The following DDHD1 variants were observed in gnomAD, a reference collection of about 807,000 sequenced individuals.
The protein encoded by DDHD1 is phospholipase DDHD1.
In DDHD1, 49 loss-of-function variants were observed where a neutral mutation model predicts 96.4. That is an observed-to-expected ratio of 0.51 (90% CI 0.40 to 0.64). The LOEUF is 0.64. Ranked by LOEUF, DDHD1 falls within the 30% of genes least tolerant of loss-of-function variation. The pLI, the probability that DDHD1 is intolerant of heterozygous loss-of-function variation, is 0.00. For synonymous variants in DDHD1, 442 were observed against 446.5 expected (o/e 0.99, Z 0.13); for missense variants, 1,106 against 1,161.2 (o/e 0.95, Z 0.69).
At chr14:53,070,121 C>T (rs1884389729) in intron 6 of DDHD1, among the ~76,000 whole-genome samples, 1 of 152,208 alleles carries the variant, frequency 6.6e-6, no homozygotes, top group Non-Finnish European at 1.5e-5. Flanking sequence ...TATATATGCA[C>T]ATATGTGTAT....
At chr14:53,134,504 C>G (rs1354693528) in intron 1 of DDHD1, among the ~76,000 whole-genome samples, 3 of 151,936 alleles carry the variant, frequency 2.0e-5, no homozygotes, top group Non-Finnish European at 4.4e-5. Flanking sequence ...CTCACTCTCT[C>G]CTAGCCATTT....
intron 1 of DDHD1, among the ~76,000 whole-genome samples, chr14:53,147,482 T>C (rs1383082217): frequency 6.6e-6 from 1 of 152,206 alleles, no homozygotes; most frequent in Non-Finnish European, 1.5e-5. Context: ...ATAACTGATA[T>C]TAGATCCGTT....
At position 53,041,015 on chromosome 14, in the gene DDHD1, A is replaced by C. The variant is rs1328308452; in HGVS notation, c.*5753T>G. 6.6e-6 allele frequency: 1 copy of C among 152,026 alleles called. No homozygotes were observed. Among genetic ancestry groups the C allele is most frequent in the Non-Finnish European group, 1.5e-5 (1 of 68,024 alleles). The allele number at this position is 152,026 out of a possible 1,614,324, so 9.4% of individuals were successfully genotyped here. On this transcript the variant is annotated 3_prime_UTR_variant, in exon 13 of 13. Transcript: ENST00000673822. ...TATAATTTTTTGTCATGAAGCTCAA[A>C]GGGAAACAAAAAGTTTGAGAGATCA...
intron 9 of DDHD1, 64 bp downstream of exon 9, chr14:53,058,406 TGCCCAGC>T (rs1883253019): frequency 1.3e-6 from 2 of 1,517,638 alleles, no homozygotes; most frequent in Non-Finnish European, 1.8e-6. Flanking sequence ...TGAGCCACTG[TGCCCAGC>T]TGATAGATTC....
rs142095162 is a variant in DDHD1 at position 53,048,089 on chromosome 14, T to C, written c.2522-1140A>G. ...AGGAAATCATAATACTCTAGGGAAA[T>C]ATTTCATATAAATGCTTAGTTAATG... On this transcript the variant is annotated intron_variant, in intron 12 of 12. Transcript: ENST00000673822. 5.4e-3 allele frequency among the ~76,000 whole-genome samples: 824 copies of C among 152,314 alleles called. 6 individuals carry two copies. The highest frequency in any genetic ancestry group is 0.017 in the Middle Eastern group (5 of 294).
rs1886448781 is a variant in DDHD1 at position 53,091,790 on chromosome 14, T to C, written c.1284A>G (p.Thr428=). Residue 428 remains threonine (T), a synonymous_variant, in exon 4 of 13, where the codon ACA becomes ACG. Transcript: ENST00000673822. ...GCATTCATCAAAGAACTTACATAGCTGTATTTTTGATAATTCTTCCTTGGT... is the reference window on the plus strand; with the variant it reads ...GCATTCATCAAAGAACTTACATAGCCGTATTTTTGATAATTCTTCCTTGGT... ...KMDQGRIIKN[T]AMMREAARKI... The C allele has an allele frequency of 1.9e-6, 3 of 1,612,808 alleles. No homozygotes were observed. Among genetic ancestry groups the C allele is most frequent in the Non-Finnish European group, 2.5e-6 (3 of 1,179,528 alleles).
chr14:53,125,276 T>C (rs767727315), intron 1 of DDHD1, among the ~76,000 whole-genome samples: 2 of 152,250 alleles, frequency 1.3e-5, no homozygotes, highest in Non-Finnish European at 2.9e-5. Flanking sequence ...GGCCATTTTA[T>C]ATCAACTCTT....
chr14:53,096,112 T>C (rs1020182248), intron 2 of DDHD1: 20 of 979,468 alleles, frequency 2.0e-5, no homozygotes, highest in Non-Finnish European at 2.3e-5. Flanking sequence ...CTACAATTAC[T>C]GTACCTTGGG....
intron 10 of DDHD1, among the ~76,000 whole-genome samples, 195 bp from the exon 11 acceptor site, chr14:53,054,824 T>A (rs1445454955): frequency 6.6e-6 from 1 of 152,218 alleles, no homozygotes; most frequent in Non-Finnish European, 1.5e-5. Flanking sequence ...GAGAGTTGTA[T>A]AAGCTCTAGG....
At chr14:53,097,051 T>A (rs1235542618) in intron 2 of DDHD1, among the ~76,000 whole-genome samples, 2 of 152,002 alleles carry the variant, frequency 1.3e-5, no homozygotes, top group Non-Finnish European at 2.9e-5. Context: ...AGCAATTATT[T>A]AAAAGTTCAC....
chr14:53,153,230 G>T lies in DDHD1; in HGVS notation c.-132C>A, dbSNP rs575611216. 99 of 833,900 alleles carry T rather than the reference G, an allele frequency of 1.2e-4. No homozygotes were observed. Among genetic ancestry groups the T allele is most frequent in the African/African-American group, 1.1e-3 (62 of 55,338 alleles). The allele number at this position is 833,900 out of a possible 1,614,324, so 51.7% of individuals were successfully genotyped here. A position where few individuals can be genotyped will look rare whatever the true frequency, so the allele number is the denominator to read the frequency against. On this transcript the variant is annotated 5_prime_UTR_variant, in exon 1 of 13. Coordinates refer to ENST00000673822, the MANE Select transcript of DDHD1 (RefSeq NM_001160148.2). ...TTCAAATCCCGACCCGAGCTGCGGC[G>T]GCAGCGGCGACCGCTCCGCCCCCAC...
At chr14:53,119,735 C>A (rs1420769634) in intron 1 of DDHD1, among the ~76,000 whole-genome samples, 1 of 152,190 alleles carries the variant, frequency 6.6e-6, no homozygotes, top group African/African-American at 2.4e-5. Flanking sequence ...CAGAAACGGT[C>A]TTTGATAAAA....
chr14:53,116,381 G>T (rs1595205561), intron 1 of DDHD1, among the ~76,000 whole-genome samples: 1 of 152,152 alleles, frequency 6.6e-6, no homozygotes, highest in Non-Finnish European at 1.5e-5. Context: ...TGACCTAATA[G>T]ACATCTACGG....
rs766862246 is a variant in DDHD1, at chr14:53,093,420, C to A, written c.1037G>T (p.Arg346Leu). Residue 346 changes from arginine to leucine, a missense_variant, in exon 3 of 13, where the codon CGA becomes CTA. Physicochemically the swap from Arg to Leu is moderately radical, Grantham distance 102. Coordinates refer to ENST00000673822, the MANE Select transcript of DDHD1 (RefSeq NM_001160148.2). The stretch of plus-strand genomic sequence containing the variant: ...CACACTGTGCCAGTCCACATGGTTT[C>A]GACTCAACTTGAAACTATGAACAGC... ...KDAVHSFKLS[R>L]NHVDWHSVDE... 1 of 1,611,370 alleles carries A rather than the reference C, an allele frequency of 6.2e-7. No homozygotes were observed. The highest frequency in any genetic ancestry group is 8.5e-7 in the Non-Finnish European group (1 of 1,179,148).
At chr14:53,061,509 T>C (rs998502968) in intron 7 of DDHD1, among the ~76,000 whole-genome samples, 2 of 152,174 alleles carry the variant, frequency 1.3e-5, no homozygotes, top group African/African-American at 4.8e-5. Flanking sequence ...GTTAATACCA[T>C]ATATACTGTT....
intron 4 of DDHD1, among the ~76,000 whole-genome samples, chr14:53,081,208 CAA>C (rs1885441353): frequency 6.6e-6 from 1 of 152,192 alleles, no homozygotes; most frequent in South Asian, 2.1e-4. Flanking sequence ...TTATTATCCA[CAA>C]AGTCTAAAAG....
chr14:53,083,007 A>G (rs1885619204), intron 4 of DDHD1, among the ~76,000 whole-genome samples: 1 of 152,232 alleles, frequency 6.6e-6, no homozygotes. Flanking sequence ...TGGGGACACA[A>G]GGACAAAGGA....
chr14:53,083,379 C>T (rs1885663976), intron 4 of DDHD1, among the ~76,000 whole-genome samples: 1 of 152,156 alleles, frequency 6.6e-6, no homozygotes. Context: ...TGTAATTAAA[C>T]TCCACAAAAA....
chr14:53,099,935 T>G (rs1566564794), intron 2 of DDHD1, among the ~76,000 whole-genome samples: 1 of 152,152 alleles, frequency 6.6e-6, no homozygotes, highest in Non-Finnish European at 1.5e-5. Context: ...CAAATTTTCA[T>G]GTTTTTTTTA....
Sources: gnomAD v4.1 joint callset for allele counts (sites outside exome capture counted in the v4.1 genomes callset) on GRCh38, gnomAD v4.1.1 for gene constraint, MANE v1.5 for transcripts, NCBI Gene and HGNC (gene_info 2026-07-23, HGNC 2026-07-21) for gene names.